Variants in CCDC12 observed in about 807,000 individuals in gnomAD.
CCDC12 encodes coiled-coil domain-containing protein 12.
In CCDC12, 28 loss-of-function variants were observed where a neutral mutation model predicts 25.7. That is an observed-to-expected ratio of 1.09 (90% CI 0.81 to 1.50). The LOEUF is 1.50. Ranked by LOEUF, CCDC12 falls within the 40% of genes most tolerant of loss-of-function variation. The pLI is 0.00. For missense variants in CCDC12, 198 were observed against 210.0 expected (o/e 0.94, Z 0.35); for synonymous variants, 75 against 87.7 (o/e 0.86, Z 0.81).
upstream of CCDC12, chr3:46,976,892 T>TGCCCC (rs1388707123): frequency 5.5e-5 from 69 of 1,257,496 alleles, no homozygotes; most frequent in African/African-American, 6.2e-5. Context: ...CTCCCCGCCT[T>TGCCCC]GCCCCGCCCC....
In CCDC12 at chr3:46,922,016, C is replaced by G; in HGVS notation, c.*41G>C. The G allele has an allele frequency of 6.2e-7, 1 of 1,606,568 alleles. No homozygotes were observed. The highest frequency in any genetic ancestry group is 8.5e-7 in the Non-Finnish European group (1 of 1,174,652). ...CATCCCTGCCCAAGACCATCCTCTG[C>G]AGGACAGGCCTGATGGGCGAGTGGT... On this transcript the variant is annotated 3_prime_UTR_variant, in exon 7 of 7. Transcript: ENST00000683445.
In CCDC12 at chr3:46,976,259, CG is replaced by C. The variant is rs1268329261; in HGVS notation, c.96+377del. The C allele has an allele frequency of 8.8e-6, 9 of 1,023,630 alleles. No homozygotes were observed. In the East Asian group the frequency reaches 7.4e-4, roughly 84 times the overall value. The allele number at this position is 1,023,630 out of a possible 1,614,324, so 63.4% of individuals were successfully genotyped here. A position where few individuals can be genotyped will look rare whatever the true frequency, so the allele number is the denominator to read the frequency against. On this transcript the variant is annotated intron_variant, in intron 1 of 6. Coordinates refer to ENST00000683445, the MANE Select transcript of CCDC12 (RefSeq NM_001277074.2). ...AGTCTGTCTGACTCAGAATCGAAGG[CG>C]GGGGTTAAAGACCAGCTAGGCCATA...
At chr3:46,979,868 G>A (rs1314209463), upstream of CCDC12, 2 of 468,602 alleles carry the variant, frequency 4.3e-6, no homozygotes, top group Non-Finnish European at 7.7e-6. Context: ...GGCCATGGCC[G>A]CCTCGGAGCG....
chr3:46,978,787 T>TC (rs2035101563), upstream of CCDC12, among the ~76,000 whole-genome samples: 2 of 151,864 alleles, frequency 1.3e-5, no homozygotes, highest in African/African-American at 2.4e-5. Context: ...ATCCAGACCA[T>TC]CCTGGCTAAC....
intron 1 of CCDC12, among the ~76,000 whole-genome samples, chr3:46,947,995 GAAGGA>G (rs1241223798): frequency 1.3e-5 from 2 of 152,264 alleles, no homozygotes; most frequent in Non-Finnish European, 2.9e-5. Context: ...GCCAGGGCAG[GAAGGA>G]AAGGGCTGCA....
chr3:46,937,594 G>A (rs1387035874), intron 2 of CCDC12, among the ~76,000 whole-genome samples: 3 of 152,216 alleles, frequency 2.0e-5, no homozygotes, highest in Admixed American at 1.3e-4. Context: ...AAAGGAGGCT[G>A]TAGCAGGGGC....
intron 1 of CCDC12, among the ~76,000 whole-genome samples, chr3:46,953,480 T>C (rs958997112): frequency 6.6e-6 from 1 of 152,046 alleles, no homozygotes; most frequent in Non-Finnish European, 1.5e-5. Flanking sequence ...AATGACTTAA[T>C]AATAAAAGTA....
chr3:46,925,156 C>T, intron 3 of CCDC12: 1 of 556,906 alleles, frequency 1.8e-6, no homozygotes. Flanking sequence ...ACTTCTCAGC[C>T]AGGAGTCCTC....
intron 1 of CCDC12, among the ~76,000 whole-genome samples, chr3:46,947,188 G>A (rs993895454): frequency 2.6e-5 from 4 of 152,226 alleles, no homozygotes; most frequent in African/African-American, 4.8e-5. Context: ...CCTAAGAAGA[G>A]GCCAAACTGG....
chr3:46,933,961 G>A (rs111558432), intron 2 of CCDC12, among the ~76,000 whole-genome samples: 140 of 149,590 alleles, frequency 9.4e-4, no homozygotes, highest in Non-Finnish European at 1.7e-3. Flanking sequence ...TCGCTCTGTC[G>A]TCCACTGGAG....
At chr3:46,949,446 C>A (rs534602058) in intron 1 of CCDC12, among the ~76,000 whole-genome samples, 1 of 152,198 alleles carries the variant, frequency 6.6e-6, no homozygotes, top group Non-Finnish European at 1.5e-5. Context: ...CATATGCAGC[C>A]AGACTGGACG....
In CCDC12 at chr3:46,962,828, T is replaced by C. The variant is rs149151723; in HGVS notation, c.96+13809A>G. Among the ~76,000 whole-genome samples the C allele has an allele frequency of 2.6e-3, 398 of 152,326 alleles. 2 individuals carry two copies. Among genetic ancestry groups the C allele is most frequent in the Admixed American group, 5.2e-3 (79 of 15,302 alleles). ...AGTGTTTGACAGTATCTGTCCTATA[T>C]ACACCCTACGGCCTAGCAATTCCAC... On this transcript the variant is annotated intron_variant, in intron 1 of 6. Transcript: ENST00000683445.
At chr3:46,931,649 C>T (rs2033221577) in intron 2 of CCDC12, among the ~76,000 whole-genome samples, 1 of 152,162 alleles carries the variant, frequency 6.6e-6, no homozygotes, top group Non-Finnish European at 1.5e-5. Context: ...GACAGTCCCA[C>T]ATGGCCTGTT....
At chr3:46,974,692 T>C (rs543682822) in intron 1 of CCDC12, among the ~76,000 whole-genome samples, 3 of 152,222 alleles carry the variant, frequency 2.0e-5, no homozygotes, top group Admixed American at 6.5e-5. Context: ...GTAAGGAAAA[T>C]AGGGGTCAGA....
chr3:46,963,536 G>A (rs942679588), intron 1 of CCDC12, among the ~76,000 whole-genome samples: 6 of 151,910 alleles, frequency 3.9e-5, no homozygotes, highest in African/African-American at 7.3e-5. Context: ...CTGCCATCTC[G>A]GCTCACTGCA....
chr3:46,977,625 G>GTTT (rs1185996606), upstream of CCDC12, among the ~76,000 whole-genome samples: 2 of 152,144 alleles, frequency 1.3e-5, no homozygotes, highest in African/African-American at 2.4e-5. Context: ...TCTCAGCTCA[G>GTTT]ACAAAGCCTG....
At chr3:46,925,679 G>A in intron 2 of CCDC12, 144 bp from the exon 3 acceptor site, 1 of 749,854 alleles carries the variant, frequency 1.3e-6, no homozygotes, top group South Asian at 2.0e-5. Flanking sequence ...GAGAAGCACA[G>A]AATGGAGTGT....
At chr3:46,972,770 C>CT (rs2034842584) in intron 1 of CCDC12, among the ~76,000 whole-genome samples, 1 of 23,064 alleles carries the variant, frequency 4.3e-5, no homozygotes. Context: ...CTCCTGACTC[C>CT]TTTAAAAAAA....
Position 46,963,116 on chromosome 3 carries a change from A to G in CCDC12, c.96+13521T>C, listed in dbSNP as rs554876344. ...TAATTCCATTTATATAAGGTTCAAA[A>G]GGAAGGAAGGCAACTTCTCGTGTTA... On this transcript the variant is annotated intron_variant, in intron 1 of 6. Transcript: ENST00000683445. 3.9e-5 allele frequency among the ~76,000 whole-genome samples: 6 copies of G among 152,360 alleles called. No homozygotes were observed. The East Asian group carries it at 7.7e-4, about 20-fold the overall frequency.
Sources: gnomAD v4.1 joint callset for allele counts (sites outside exome capture counted in the v4.1 genomes callset) on GRCh38, gnomAD v4.1.1 for gene constraint, MANE v1.5 for transcripts, NCBI Gene and HGNC (gene_info 2026-07-23, HGNC 2026-07-21) for gene names.